GABPB1: variants seen among roughly 807,000 people sequenced by gnomAD.
The protein encoded by GABPB1 is GA-binding protein subunit beta-1.
A neutral mutation model predicts 45.9 loss-of-function variants in GABPB1; 15 were observed. That is an observed-to-expected ratio of 0.33 (90% confidence interval 0.22 to 0.50). The LOEUF (loss-of-function observed/expected upper bound fraction) is 0.50. Among genes scored for constraint, GABPB1 ranks in the 20% least tolerant of loss-of-function variants. The pLI is 0.98. For missense variants in GABPB1, 252 were observed against 457.5 expected (o/e 0.55, Z 4.10); for synonymous variants, 143 against 154.4 (o/e 0.93, Z 0.55).
At chr15:50,334,018 G>C (rs2048032879) in intron 1 of GABPB1, among the ~76,000 whole-genome samples, 1 of 126,772 alleles carries the variant, frequency 7.9e-6, no homozygotes, top group Non-Finnish European at 1.7e-5. Flanking sequence ...CAACAAGAGT[G>C]AAACTCGATC....
intron 1 of GABPB1, among the ~76,000 whole-genome samples, chr15:50,330,701 CT>C (rs2047918625): frequency 6.6e-6 from 1 of 152,198 alleles, no homozygotes; most frequent in Non-Finnish European, 1.5e-5. Flanking sequence ...TTTAAAAGAT[CT>C]TTTCTCCAAC....
At chr15:50,329,320 T>G (rs1222680649) in intron 1 of GABPB1, among the ~76,000 whole-genome samples, 2 of 152,260 alleles carry the variant, frequency 1.3e-5, no homozygotes, top group Non-Finnish European at 2.9e-5. Flanking sequence ...TTATAAATGA[T>G]GAATTCATAT....
chr15:50,289,477 A>G lies in GABPB1; in HGVS notation c.883+6T>C. 6.3e-7 allele frequency: 1 copy of G among 1,587,708 alleles called. No homozygotes were observed. Among genetic ancestry groups the G allele is most frequent in the Non-Finnish European group, 8.6e-7 (1 of 1,164,726 alleles). On this transcript the variant is annotated splice_donor_region_variant and intron_variant, in intron 7 of 8. Coordinates refer to ENST00000380877, the MANE Select transcript of GABPB1 (RefSeq NM_016654.5). Reference sequence around the variant, plus strand: ...TACAAACTTTATATAAATGTCTACTACTAACCTTGTTGTCCATCTGGCATG... The same window carrying G: ...TACAAACTTTATATAAATGTCTACTGCTAACCTTGTTGTCCATCTGGCATG...
At chr15:50,290,804 A>C (rs946781967) in intron 6 of GABPB1, among the ~76,000 whole-genome samples, 1 of 152,180 alleles carries the variant, frequency 6.6e-6, no homozygotes, top group African/African-American at 2.4e-5. Flanking sequence ...ATCCCCAAAT[A>C]TGCTCTTAAT....
In GABPB1 at chr15:50,334,672, TA is replaced by T. The variant is rs2048059661; in HGVS notation, c.-1+20312del. 2.6e-5 allele frequency among the ~76,000 whole-genome samples: 4 copies of T among 152,172 alleles called. No individual in the cohort carries two copies. In the South Asian group the frequency reaches 8.3e-4, roughly 32 times the overall value. On this transcript the variant is annotated intron_variant, in intron 1 of 8. Transcript: ENST00000380877. ...ACAGGTGCATGCCACTACACCCAGC[TA>T]ATTTTTTTGTATTTTCTGTACAGAC...
chr15:50,303,013 A>T lies in GABPB1; in HGVS notation c.387T>A (p.Asp129Glu), dbSNP rs533592195. 6.2e-7 allele frequency: 1 copy of T among 1,613,942 alleles called. No individual in the cohort carries two copies. Among genetic ancestry groups the T allele is most frequent in the Admixed American group, 1.7e-5 (1 of 60,026 alleles). Residue 129 changes from aspartate (D) to glutamate (E), a missense_variant, in exon 4 of 9, where the codon GAT becomes GAA. Around this residue, in one of 4 missense-constraint regions of GABPB1, gnomAD observed 193 missense variants for 259.9 expected, o/e 0.74. Transcript: ENST00000380877. ...VVELLIKYGA[D>E]VHTQSKFCKT... is the part of the protein sequence containing the mutation. ...TACAAAATTTACTTTGCGTGTGTAC[A>T]TCAGCACCATATTTGATTAAAAGTT...
chr15:50,322,305 G>C (rs2047599824), intron 1 of GABPB1, among the ~76,000 whole-genome samples: 1 of 151,986 alleles, frequency 6.6e-6, no homozygotes, highest in South Asian at 2.1e-4. Flanking sequence ...TGTAATCCCA[G>C]CCCTTTGGGA....
At position 50,300,883 on chromosome 15, in the gene GABPB1, A is replaced by G. The variant is rs1208562294; in HGVS notation, c.603T>C (p.Ala201=). Residue 201 remains alanine, a synonymous_variant, in exon 6 of 9, where the codon GCT becomes GCC. Coordinates refer to ENST00000380877, the MANE Select transcript of GABPB1 (RefSeq NM_016654.5). ...VNLTDETGVS[A]VQFGNSSTSV... is the part of the protein sequence containing the mutation. ...ATGTAGAAGAGTTTCCAAACTGAAC[A>G]GCAGATACACCCGTTTCATCTGTAA... 9 of 1,605,928 alleles carry G rather than the reference A, an allele frequency of 5.6e-6. No individual in the cohort carries two copies. Among genetic ancestry groups the G allele is most frequent in the Non-Finnish European group, 5.1e-6 (6 of 1,172,790 alleles).
chr15:50,347,077 T>C (rs1347263707), intron 1 of GABPB1, among the ~76,000 whole-genome samples: 1 of 151,970 alleles, frequency 6.6e-6, no homozygotes, highest in Non-Finnish European at 1.5e-5. Flanking sequence ...CATGACCCAC[T>C]GCACCCGGTC....
chr15:50,339,573 A>T (rs1198277203), intron 1 of GABPB1, among the ~76,000 whole-genome samples: 2 of 151,984 alleles, frequency 1.3e-5, no homozygotes, highest in Non-Finnish European at 2.9e-5. Flanking sequence ...CTATATATTT[A>T]TCAGATATAC....
chr15:50,333,709 G>T (rs1164950915), intron 1 of GABPB1, among the ~76,000 whole-genome samples: 3 of 152,108 alleles, frequency 2.0e-5, no homozygotes, highest in Non-Finnish European at 2.9e-5. Context: ...ACATTTCACT[G>T]TCTGCTGATT....
intron 1 of GABPB1, among the ~76,000 whole-genome samples, chr15:50,326,997 A>C (rs2047793325): frequency 6.6e-6 from 1 of 152,156 alleles, no homozygotes; most frequent in Non-Finnish European, 1.5e-5. Flanking sequence ...ATTTTACTAA[A>C]TCCTCCTCAT....
chr15:50,312,413 A>G (rs2047162281), intron 1 of GABPB1, among the ~76,000 whole-genome samples: 1 of 152,120 alleles, frequency 6.6e-6, no homozygotes, highest in Admixed American at 6.6e-5. Context: ...AGTCACTGAA[A>G]GCCAAGATAC....
chr15:50,305,132 A>G (rs867767493), intron 2 of GABPB1, among the ~76,000 whole-genome samples: 18 of 152,272 alleles, frequency 1.2e-4, no homozygotes, highest in African/African-American at 4.3e-4. Context: ...AAAGGCACAG[A>G]AAATCCCTAT....
chr15:50,335,048 G>A (rs1031577091), intron 1 of GABPB1, among the ~76,000 whole-genome samples: 1 of 152,178 alleles, frequency 6.6e-6, no homozygotes, highest in African/African-American at 2.4e-5. Context: ...TTCCTTTGAA[G>A]AACATTTGCA....
intron 1 of GABPB1, among the ~76,000 whole-genome samples, chr15:50,313,258 C>T (rs1049967760): frequency 2.6e-5 from 4 of 152,030 alleles, no homozygotes; most frequent in Admixed American, 2.6e-4. Flanking sequence ...AAATAATTCA[C>T]AAGGGCAAAA....
At chr15:50,337,101 A>G (rs373404363) in intron 1 of GABPB1, among the ~76,000 whole-genome samples, 2 of 5,090 alleles carry the variant, frequency 3.9e-4, no homozygotes, top group Non-Finnish European at 3.0e-4. Flanking sequence ...ATATATATAT[A>G]TATATATATA....
chr15:50,345,677 T>C (rs1314758321), intron 1 of GABPB1, among the ~76,000 whole-genome samples: 1 of 151,998 alleles, frequency 6.6e-6, no homozygotes. Flanking sequence ...TCAAAATTGA[T>C]TTTTTTTCCT....
intron 1 of GABPB1, among the ~76,000 whole-genome samples, chr15:50,348,465 G>A (rs2048689899): frequency 1.3e-5 from 2 of 151,766 alleles, no homozygotes; most frequent in South Asian, 2.1e-4. Context: ...TGGCCAGGCT[G>A]GTCTCGAATT....
Sources: gnomAD v4.1 joint callset for allele counts (sites outside exome capture counted in the v4.1 genomes callset) on GRCh38, gnomAD v4.1.1 for gene constraint, gnomAD v4.1.1 regional missense constraint, MANE v1.5 for transcripts, NCBI Gene and HGNC (gene_info 2026-07-23, HGNC 2026-07-21) for gene names.